The following COL5A1 variants were observed in gnomAD, a reference collection of about 807,000 sequenced individuals.
COL5A1 encodes collagen type V alpha 1 chain.
In COL5A1, 16 loss-of-function variants were observed where a neutral mutation model predicts 263.7. The ratio of observed to expected loss-of-function variants is 0.06; its 90% CI spans 0.04 to 0.09. The LOEUF is 0.09. COL5A1 is among the 10% of genes least tolerant of loss of function. COL5A1 has a pLI of 1.00. For missense variants in COL5A1, 2,036 were observed against 2,540.5 expected (o/e 0.80, Z 4.27); for synonymous variants, 1,012 against 1,004.5 (o/e 1.01, Z -0.14).
At chr9:134,664,488 A>C (rs112526757) in intron 1 of COL5A1, among the ~76,000 whole-genome samples, 1,743 of 152,358 alleles carry the variant, frequency 0.011, 28 homozygotes, top group African/African-American at 0.039. Context: ...CCCACTGATC[A>C]GTCAGAAAAG....
intron 64 of COL5A1, chr9:134,832,961 A>T (rs752323604): frequency 3.9e-5 from 6 of 152,272 alleles, no homozygotes; most frequent in Non-Finnish European, 7.3e-5. Flanking sequence ...TACTGAAGTC[A>T]GTTCCCTTCC....
chr9:134,696,859 A>G lies in COL5A1; in HGVS notation c.278-3050A>G, dbSNP rs567025984. Reference sequence around the variant, plus strand: ...GCCAAGGCAGGCGGATCACGAGGTCAGGAGATCGAGACCATCCTGGCTAAC... The same window carrying G: ...GCCAAGGCAGGCGGATCACGAGGTCGGGAGATCGAGACCATCCTGGCTAAC... On this transcript the variant is annotated intron_variant, in intron 2 of 65. Coordinates refer to ENST00000371817, the MANE Select transcript of COL5A1 (RefSeq NM_000093.5). This position sits in a 1 kb window ranked among gnomAD's most constrained non-coding sequence, Gnocchi z 4.3. Among the ~76,000 whole-genome samples, 36 of 152,242 alleles carry G rather than the reference A, an allele frequency of 2.4e-4. No individual in the cohort carries two copies. Among genetic ancestry groups the G allele is most frequent in the African/African-American group, 8.4e-4 (35 of 41,546 alleles).
chr9:134,839,029 G>T lies in COL5A1; in HGVS notation c.5371-3128G>T, dbSNP rs769031593. 7.7e-4 allele frequency among the ~76,000 whole-genome samples: 117 copies of T among 152,354 alleles called. 2 individuals are homozygous for T. Among genetic ancestry groups the T allele is most frequent in the South Asian group, 1.7e-3 (8 of 4,834 alleles). On this transcript the variant is annotated intron_variant, in intron 65 of 65. Transcript: ENST00000371817. ...TTAATTACGGAGGCTGCTGCAGGAG[G>T]CCCTGATGCCCCGAACTCGGGCCAG...
At chr9:134,759,290 G>A (rs377730601) in intron 18 of COL5A1, among the ~76,000 whole-genome samples, 103 of 96,184 alleles carry the variant, frequency 1.1e-3, no homozygotes, top group African/African-American at 5.5e-3. Flanking sequence ...GCACACACAC[G>A]CATACACACC....
chr9:134,831,015 C>T (rs1365172316), intron 64 of COL5A1, among the ~76,000 whole-genome samples: 1 of 152,186 alleles, frequency 6.6e-6, no homozygotes, highest in African/African-American at 2.4e-5. Context: ...TTCTCCTTTC[C>T]CTCCCTTCTT....
chr9:134,717,114 T>TG (rs35847554), intron 4 of COL5A1, among the ~76,000 whole-genome samples: 26,932 of 152,028 alleles, frequency 0.18, 2,611 homozygotes, highest in East Asian at 0.41. Flanking sequence ...GTGACTGGTC[T>TG]GGCCCCTGGC....
At chr9:134,813,427 C>T (rs144828592) in intron 48 of COL5A1, among the ~76,000 whole-genome samples, 33 of 152,318 alleles carry the variant, frequency 2.2e-4, no homozygotes, top group East Asian at 1.9e-3. Flanking sequence ...CGCCTTCCAC[C>T]GCTGCTCATT....
chr9:134,685,465 C>T (rs1588436069), intron 1 of COL5A1, among the ~76,000 whole-genome samples: 2 of 125,050 alleles, frequency 1.6e-5, no homozygotes, highest in East Asian at 2.6e-4. Flanking sequence ...TCCATCCATC[C>T]ATTCATCCAT....
chr9:134,661,773 A>G (rs1237073842), intron 1 of COL5A1, among the ~76,000 whole-genome samples: 1 of 152,154 alleles, frequency 6.6e-6, no homozygotes, highest in African/African-American at 2.4e-5. Flanking sequence ...ATCTCACCCT[A>G]TAAATGACTC....
At chr9:134,740,247 A>G (rs998401890) in intron 11 of COL5A1, among the ~76,000 whole-genome samples, 7 of 151,912 alleles carry the variant, frequency 4.6e-5, no homozygotes, top group South Asian at 2.1e-4. Flanking sequence ...AACTCCAGAC[A>G]GGCAACAGCG....
chr9:134,748,964 C>T (rs1029666500), intron 11 of COL5A1, among the ~76,000 whole-genome samples: 3 of 152,204 alleles, frequency 2.0e-5, no homozygotes, highest in South Asian at 4.1e-4. Flanking sequence ...AGAGACTGGG[C>T]GCGGTGGCTT....
intron 11 of COL5A1, 44 bp from the exon 12 acceptor site, chr9:134,750,498 C>T (rs1835737388): frequency 1.2e-5 from 19 of 1,574,774 alleles, no homozygotes; most frequent in Non-Finnish European, 1.6e-5. Flanking sequence ...CCAGCCCTGG[C>T]CTGGTTGCAC....
Position 134,790,435 on chromosome 9 carries a change from C to T in COL5A1, c.2700+1227C>T, listed in dbSNP as rs11103529. ...CCAGCCATCCAGCCACCCACCCATCCATCCATCCACCCACTCACCCATCCA... is the reference window on the plus strand; with the variant it reads ...CCAGCCATCCAGCCACCCACCCATCTATCCATCCACCCACTCACCCATCCA... On this transcript the variant is annotated intron_variant, in intron 32 of 65. Coordinates refer to ENST00000371817, the MANE Select transcript of COL5A1 (RefSeq NM_000093.5). Among the ~76,000 whole-genome samples, 50 of 121,060 alleles carry T rather than the reference C, an allele frequency of 4.1e-4. 1 individual carries two copies. Among genetic ancestry groups the T allele is most frequent in the African/African-American group, 1.5e-3 (48 of 31,134 alleles). 79.4% of individuals were successfully genotyped at this position (121,060 alleles called of 152,430 possible).
chr9:134,694,409 G>C (rs1039478698), intron 2 of COL5A1, among the ~76,000 whole-genome samples: 1 of 152,246 alleles, frequency 6.6e-6, no homozygotes, highest in Non-Finnish European at 1.5e-5. Flanking sequence ...GGGTGCCAGG[G>C]AGACACAGCC....
rs1833455698 is a variant in COL5A1, at chr9:134,696,164, A to T, written c.278-3745A>T. ...ACCCTGCCCCACTGCCCCCTGCATT[A>T]TTTGCAATTATTATTATTATTATTA... On this transcript the variant is annotated intron_variant, in intron 2 of 65. Transcript: ENST00000371817. This position sits in a 1 kb window ranked among gnomAD's most constrained non-coding sequence, Gnocchi z 4.3. 1.3e-5 allele frequency among the ~76,000 whole-genome samples: 2 copies of T among 151,320 alleles called. No individual in the cohort carries two copies. The highest frequency in any genetic ancestry group is 4.2e-4 in the South Asian group (2 of 4,786).
Position 134,730,472 on chromosome 9 carries a change from C to T in COL5A1, c.1161C>T (p.Ser387=), listed in dbSNP as rs765977756. 6.2e-6 allele frequency: 10 copies of T among 1,613,932 alleles called. No individual in the cohort carries two copies. In the Admixed American group the frequency reaches 1.3e-4, roughly 22 times the overall value. The change falls in exon 7 of 66, where the codon TCC becomes TCT. Residue 387 remains serine, a synonymous_variant. Transcript: ENST00000371817. ...PTSTADTSNS[S]NPAPPPGEGA... The stretch of plus-strand genomic sequence containing the variant: ...GCACCGCCGACACCTCCAACTCCTC[C>T]AATGTAATTTCTTTCCTTCCCATTG...
Position 134,647,721 on chromosome 9 carries a change from T to G in COL5A1, c.109+5425T>G, listed in dbSNP as rs1459598293. ...GCCGGGTCCAGCTGGATCCGACAAT[T>G]TCATGTCTTTTTAAACTCCCGGGAG... is the stretch of plus-strand genomic sequence containing the variant. On this transcript the variant is annotated intron_variant, in intron 1 of 65. Coordinates refer to ENST00000371817, the MANE Select transcript of COL5A1 (RefSeq NM_000093.5). The surrounding 1 kb of genome is among the most constrained non-coding windows in gnomAD (Gnocchi z 5.0). Among the ~76,000 whole-genome samples, 5 of 152,100 alleles carry G rather than the reference T, an allele frequency of 3.3e-5. No homozygotes were observed. The highest frequency in any genetic ancestry group is 6.5e-5 in the Admixed American group (1 of 15,276).
At chr9:134,744,574 T>C (rs1330163054) in intron 11 of COL5A1, among the ~76,000 whole-genome samples, 5 of 141,106 alleles carry the variant, frequency 3.5e-5, no homozygotes, top group Admixed American at 7.0e-5. Context: ...TATACATGCA[T>C]GCACACACAC....
intron 42 of COL5A1, chr9:134,808,973 T>G (rs375510038): frequency 3.2e-6 from 2 of 615,622 alleles, no homozygotes; most frequent in Non-Finnish European, 5.8e-6. Flanking sequence ...TGTGGATTAA[T>G]TGAAGCGATG....
Sources: allele counts gnomAD v4.1 joint callset (sites outside exome capture counted in the v4.1 genomes callset), GRCh38; gene constraint gnomAD v4.1.1; non-coding constraint Gnocchi (gnomAD v3.1); transcripts MANE v1.5; gene names NCBI Gene and HGNC (gene_info 2026-07-23, HGNC 2026-07-21).